The following SAMD4A variants were observed in gnomAD, a reference collection of about 807,000 sequenced individuals.
SAMD4A encodes sterile alpha motif domain containing 4A.
In SAMD4A, 33 loss-of-function variants were observed where a neutral mutation model predicts 81.3. The observed-to-expected ratio is 0.41, with a 90% CI of 0.31 to 0.54. The LOEUF is 0.54. Ranked by LOEUF, SAMD4A falls within the 20% of genes least tolerant of loss-of-function variation. SAMD4A has a pLI of 0.37. For synonymous variants in SAMD4A, 389 were observed against 382.1 expected (o/e 1.02, Z -0.21); for missense variants, 854 against 951.1 (o/e 0.90, Z 1.34).
intron 3 of SAMD4A, among the ~76,000 whole-genome samples, chr14:54,724,007 T>TGGATGGATGGAAGGAAGGAA (rs1555347506): frequency 1.6e-5 from 2 of 124,250 alleles, no homozygotes; most frequent in Non-Finnish European, 3.4e-5. Flanking sequence ...GATGGATGGA[T>TGGATGGATGGAAGGAAGGAA]GGAAGGAAGG....
intron 3 of SAMD4A, among the ~76,000 whole-genome samples, chr14:54,728,452 T>G (rs2037479422): frequency 6.6e-6 from 1 of 152,118 alleles, no homozygotes; most frequent in South Asian, 2.1e-4. Context: ...TCAAATATAA[T>G]TAAGGAGCCA....
At chr14:54,768,168 AG>A (rs1489066332) in intron 8 of SAMD4A, among the ~76,000 whole-genome samples, 1 of 152,126 alleles carries the variant, frequency 6.6e-6, no homozygotes, top group Non-Finnish European at 1.5e-5. Context: ...GAGACCTTGA[AG>A]TCATTTGCTG....
intron 4 of SAMD4A, among the ~76,000 whole-genome samples, chr14:54,743,697 C>T (rs1434318486): frequency 1.3e-5 from 2 of 152,198 alleles, no homozygotes; most frequent in Non-Finnish European, 2.9e-5. Context: ...CACCTCTCAC[C>T]TTCCAGGACC....
chr14:54,648,416 G>A (rs117465488), intron 2 of SAMD4A, among the ~76,000 whole-genome samples: 2 of 152,322 alleles, frequency 1.3e-5, no homozygotes, highest in Non-Finnish European at 2.9e-5. Context: ...CCTAGTGATG[G>A]GGGAACAGCT....
chr14:54,640,544 A>T (rs1409737233), intron 2 of SAMD4A, among the ~76,000 whole-genome samples: 3 of 152,118 alleles, frequency 2.0e-5, no homozygotes, highest in Non-Finnish European at 2.9e-5. Context: ...ATTCTGGAGA[A>T]GCCGGCAGTT....
At chr14:54,761,131 C>T (rs1164574655) in intron 7 of SAMD4A, among the ~76,000 whole-genome samples, 1 of 152,242 alleles carries the variant, frequency 6.6e-6, no homozygotes, top group East Asian at 1.9e-4. Context: ...ATAGCTTGTG[C>T]TTATTTAGCT....
intron 2 of SAMD4A, among the ~76,000 whole-genome samples, chr14:54,657,726 T>G (rs1367736529): frequency 1.3e-4 from 20 of 152,114 alleles, no homozygotes; most frequent in Non-Finnish European, 2.6e-4. Context: ...AAGTGGAAAT[T>G]AAGATTTTCA....
At position 54,657,398 on chromosome 14, in the gene SAMD4A, A is replaced by G. The variant is rs576651973; in HGVS notation, c.197-44664A>G. Among the ~76,000 whole-genome samples the G allele has an allele frequency of 1.5e-3, 228 of 152,256 alleles. 3 individuals carry two copies. Among genetic ancestry groups the G allele is most frequent in the African/African-American group, 5.0e-3 (209 of 41,542 alleles). ...GACAGGTGTTTATTCCTTGACTCCT[A>G]TATCACTTTCCACTCCAGCTAGAAT... On this transcript the variant is annotated intron_variant, in intron 2 of 12. Transcript: ENST00000554335.
At chr14:54,736,035 G>A (rs983750452) in intron 3 of SAMD4A, among the ~76,000 whole-genome samples, 2 of 152,200 alleles carry the variant, frequency 1.3e-5, no homozygotes, top group Non-Finnish European at 2.9e-5. Flanking sequence ...CTGGTGCTGA[G>A]AGAATGTTAT....
intron 7 of SAMD4A, among the ~76,000 whole-genome samples, chr14:54,762,191 C>T (rs2038418100): frequency 1.3e-5 from 2 of 152,182 alleles, no homozygotes; most frequent in Non-Finnish European, 2.9e-5. Context: ...ACCCTTATTT[C>T]CATATCCTTG....
intron 2 of SAMD4A, among the ~76,000 whole-genome samples, chr14:54,574,269 A>G (rs944000336): frequency 6.6e-6 from 1 of 152,242 alleles, no homozygotes; most frequent in Admixed American, 6.5e-5. Context: ...TGTGGTTCTG[A>G]TTAGAGAACA....
At chr14:54,626,969 T>A (rs2034778925) in intron 2 of SAMD4A, among the ~76,000 whole-genome samples, 1 of 152,192 alleles carries the variant, frequency 6.6e-6, no homozygotes, top group South Asian at 2.1e-4. Context: ...AGGACTGGAG[T>A]CTTCTGACTC....
intron 3 of SAMD4A, among the ~76,000 whole-genome samples, chr14:54,724,007 T>TAGAAGGAAGGAA (rs1555347511): frequency 6.4e-5 from 8 of 124,176 alleles, no homozygotes; most frequent in African/African-American, 2.1e-4. Flanking sequence ...GATGGATGGA[T>TAGAAGGAAGGAA]GGAAGGAAGG....
chr14:54,689,436 C>CA (rs1184205190), intron 2 of SAMD4A, among the ~76,000 whole-genome samples: 1 of 152,274 alleles, frequency 6.6e-6, no homozygotes, highest in East Asian at 1.9e-4. Context: ...CCATGCTTTA[C>CA]AAAGATTAAG....
chr14:54,774,841 A>C (rs72713436), intron 9 of SAMD4A, 93 bp from the exon 10 acceptor site: 224,516 of 977,196 alleles, frequency 0.23, 29,572 homozygotes, highest in Non-Finnish European at 0.25. Context: ...AAAAATGAGG[A>C]GACCTCCAAG....
At position 54,568,097 on chromosome 14, in the gene SAMD4A, G is replaced by A; in HGVS notation, c.181G>A (p.Glu61Lys). 1.3e-6 allele frequency: 2 copies of A among 1,549,692 alleles called. No individual in the cohort carries two copies. Among genetic ancestry groups the A allele is most frequent in the Non-Finnish European group, 1.7e-6 (2 of 1,156,266 alleles). The change falls in exon 2 of 13, where the codon GAG (glutamate) becomes AAG (lysine). Residue 61 changes from glutamate to lysine, a missense_variant. Coordinates refer to ENST00000554335, the MANE Select transcript of SAMD4A (RefSeq NM_015589.6). ...DCAELHVLEREANSPGIINQW... is the reference protein window; with the variant it reads ...DCAELHVLERKANSPGIINQW... The stretch of plus-strand genomic sequence containing the variant: ...CGCCGAGCTGCACGTCCTCGAACGC[G>A]AGGCCAACAGCCCCGGTAAGTGTGC...
At chr14:54,697,311 G>A (rs1285346598) in intron 2 of SAMD4A, among the ~76,000 whole-genome samples, 1 of 152,204 alleles carries the variant, frequency 6.6e-6, no homozygotes, top group Non-Finnish European at 1.5e-5. Flanking sequence ...CATCATCAGA[G>A]AGACCAGACG....
At chr14:54,714,350 G>T (rs1239144069) in intron 3 of SAMD4A, among the ~76,000 whole-genome samples, 1 of 152,114 alleles carries the variant, frequency 6.6e-6, no homozygotes, top group Non-Finnish European at 1.5e-5. Flanking sequence ...AGATTTTTAA[G>T]CAAAAATAAT....
At chr14:54,627,756 T>A (rs1166289067) in intron 2 of SAMD4A, among the ~76,000 whole-genome samples, 1 of 152,256 alleles carries the variant, frequency 6.6e-6, no homozygotes, top group Non-Finnish European at 1.5e-5. Flanking sequence ...TCTCTGTTAG[T>A]TTATTTGTAA....
Sources: gnomAD v4.1 joint callset for allele counts (sites outside exome capture counted in the v4.1 genomes callset) on GRCh38, gnomAD v4.1.1 for gene constraint, MANE v1.5 for transcripts, NCBI Gene and HGNC (gene_info 2026-07-23, HGNC 2026-07-21) for gene names.